CTNNA2: variants seen among roughly 807,000 people sequenced by gnomAD.
The protein encoded by CTNNA2 is catenin alpha 2.
Under a neutral mutation model 101.0 loss-of-function variants are expected in CTNNA2, and 42 were observed. That is an observed-to-expected ratio of 0.42 (90% confidence interval 0.32 to 0.54). CTNNA2 has a LOEUF of 0.54. CTNNA2 is among the 20% of genes least tolerant of loss of function. The pLI is 0.14. For missense variants in CTNNA2, 871 were observed against 1,223.1 expected (o/e 0.71, Z 4.29); for synonymous variants, 450 against 456.4 (o/e 0.99, Z 0.18).
intron 7 of CTNNA2, among the ~76,000 whole-genome samples, chr2:80,091,623 G>A (rs956849314): frequency 2.6e-5 from 4 of 152,092 alleles, no homozygotes; most frequent in African/African-American, 9.7e-5. Context: ...CGGGGACCAA[G>A]TCAGACTGAA....
chr2:79,556,047 T>C (rs1674423396), intron 1 of CTNNA2, among the ~76,000 whole-genome samples: 1 of 152,094 alleles, frequency 6.6e-6, no homozygotes, highest in South Asian at 2.1e-4. Flanking sequence ...ATAGTCCTTG[T>C]TTTTATTTTA....
chr2:80,117,211 A>T (rs1475913397), intron 7 of CTNNA2, among the ~76,000 whole-genome samples: 1 of 152,090 alleles, frequency 6.6e-6, no homozygotes, highest in East Asian at 1.9e-4. Context: ...GTTTTTAGTG[A>T]ATAAGTGGAG....
At chr2:80,526,991 T>C (rs1690097444) in intron 9 of CTNNA2, among the ~76,000 whole-genome samples, 1 of 152,326 alleles carries the variant, frequency 6.6e-6, no homozygotes, top group East Asian at 1.9e-4. Flanking sequence ...ACAAATTGTC[T>C]ATGGACATGT....
chr2:80,103,011 G>A (rs574184805), intron 7 of CTNNA2, among the ~76,000 whole-genome samples: 2 of 152,176 alleles, frequency 1.3e-5, no homozygotes, highest in East Asian at 3.9e-4. Context: ...GAGTGAGGTC[G>A]GAGAGCAGCT....
At chr2:80,100,765 G>T (rs1361075579) in intron 7 of CTNNA2, among the ~76,000 whole-genome samples, 2 of 152,196 alleles carry the variant, frequency 1.3e-5, no homozygotes, top group Non-Finnish European at 2.9e-5. Flanking sequence ...CTTGTATCAA[G>T]TGGTTAATCA....
chr2:79,670,895 T>C (rs1682792662), intron 2 of CTNNA2, among the ~76,000 whole-genome samples: 1 of 152,206 alleles, frequency 6.6e-6, no homozygotes, highest in Non-Finnish European at 1.5e-5. Flanking sequence ...TTCCTTTTCT[T>C]CACTCAAAAT....
chr2:80,413,272 A>G (rs77226913), intron 8 of CTNNA2, among the ~76,000 whole-genome samples: 6,041 of 152,278 alleles, frequency 0.04, 178 homozygotes, highest in Non-Finnish European at 0.062. Flanking sequence ...GGGTAGGGAA[A>G]AGCACAGGGC....
intron 7 of CTNNA2, among the ~76,000 whole-genome samples, chr2:80,078,802 C>G (rs993411035): frequency 2.0e-4 from 31 of 152,224 alleles, no homozygotes; most frequent in Admixed American, 5.2e-4. Flanking sequence ...GCCCTTACCC[C>G]CTATGTTTTG....
At chr2:80,115,582 CGA>C (rs1351781770) in intron 7 of CTNNA2, among the ~76,000 whole-genome samples, 2 of 151,814 alleles carry the variant, frequency 1.3e-5, no homozygotes, top group East Asian at 1.9e-4. Context: ...AGCATGGTAA[CGA>C]GAGAGAGAGG....
At chr2:79,599,662 C>A (rs62140073) in intron 1 of CTNNA2, among the ~76,000 whole-genome samples, 1 of 151,892 alleles carries the variant, frequency 6.6e-6, no homozygotes, top group African/African-American at 2.4e-5. Flanking sequence ...GAAAACTGTA[C>A]CTGGAAGTTT....
At chr2:79,932,369 G>A (rs71424901) in intron 7 of CTNNA2, among the ~76,000 whole-genome samples, 12,993 of 152,238 alleles carry the variant, frequency 0.085, 649 homozygotes, top group East Asian at 0.2. Flanking sequence ...GAGGGAACCA[G>A]TGAACTTGGG....
At chr2:79,276,024 A>C (rs563363632) in intron 2 of CTNNA2, among the ~76,000 whole-genome samples, 1 of 152,182 alleles carries the variant, frequency 6.6e-6, no homozygotes, top group East Asian at 1.9e-4. Flanking sequence ...TAAAGACCTA[A>C]AGGAGGTGAG....
At chr2:80,283,512 G>T (rs1674538593) in intron 7 of CTNNA2, among the ~76,000 whole-genome samples, 1 of 152,032 alleles carries the variant, frequency 6.6e-6, no homozygotes, top group South Asian at 2.1e-4. Flanking sequence ...ACATAAAAAG[G>T]CAGTAACCTC....
At chr2:80,448,383 T>A (rs1003563666) in intron 9 of CTNNA2, among the ~76,000 whole-genome samples, 2 of 152,330 alleles carry the variant, frequency 1.3e-5, no homozygotes, top group African/African-American at 4.8e-5. Flanking sequence ...AAAATTAAAC[T>A]GTTTTTGTTT....
At chr2:79,362,129 A>G (rs935745373) in intron 3 of CTNNA2, among the ~76,000 whole-genome samples, 1 of 152,198 alleles carries the variant, frequency 6.6e-6, no homozygotes, top group Non-Finnish European at 1.5e-5. Context: ...CCAATTAAGC[A>G]GTGACTATAC....
chr2:80,207,604 T>C (rs1227716399), intron 7 of CTNNA2, among the ~76,000 whole-genome samples: 1 of 152,080 alleles, frequency 6.6e-6, no homozygotes, highest in Non-Finnish European at 1.5e-5. Context: ...ACATAATTAA[T>C]GTGGGAGGTG....
chr2:80,425,122 C>G (rs1178036556), intron 9 of CTNNA2, among the ~76,000 whole-genome samples: 2 of 152,206 alleles, frequency 1.3e-5, no homozygotes, highest in Non-Finnish European at 1.5e-5. Context: ...TTAGGCTCCC[C>G]TCAATGAGCC....
intron 3 of CTNNA2, among the ~76,000 whole-genome samples, chr2:79,351,226 T>C: frequency 6.6e-6 from 1 of 152,108 alleles, no homozygotes; most frequent in East Asian, 1.9e-4. Flanking sequence ...TCAGAAGAGT[T>C]TTTCTTAGGT....
intron 2 of CTNNA2, among the ~76,000 whole-genome samples, chr2:79,258,676 A>G (rs987239513): frequency 2.0e-5 from 3 of 152,090 alleles, no homozygotes; most frequent in African/African-American, 7.2e-5. Flanking sequence ...GACCAGGAAG[A>G]AGTGGCAGAC....
Sources: allele counts gnomAD v4.1 joint callset (sites outside exome capture counted in the v4.1 genomes callset), GRCh38; gene constraint gnomAD v4.1.1; transcripts MANE v1.5; gene names NCBI Gene and HGNC (gene_info 2026-07-23, HGNC 2026-07-21).